Variants in SPOP observed in about 807,000 individuals in gnomAD.
SPOP encodes speckle-type POZ protein.
Under a neutral mutation model 45.6 loss-of-function variants are expected in SPOP, and 11 were observed. That is an observed-to-expected ratio of 0.24 (90% CI 0.15 to 0.40). The LOEUF (loss-of-function observed/expected upper bound fraction) is 0.40, where lower values mean the gene tolerates loss of function less well. Among genes scored for constraint, SPOP ranks in the 10% least tolerant of loss-of-function variants. SPOP has a pLI of 1.00. For synonymous variants in SPOP, 166 were observed against 166.3 expected (o/e 1.00, Z 0.01); for missense variants, 152 against 465.6 (o/e 0.33, Z 6.20).
intron 1 of SPOP, among the ~76,000 whole-genome samples, chr17:49,626,913 G>A (rs983337216): frequency 3.3e-5 from 5 of 151,798 alleles, no homozygotes; most frequent in South Asian, 4.2e-4. Flanking sequence ...GTGCAGTGGC[G>A]ATCTTGGCTC....
At chr17:49,664,980 A>T (rs1330291065) in intron 1 of SPOP, among the ~76,000 whole-genome samples, 2 of 151,892 alleles carry the variant, frequency 1.3e-5, no homozygotes, top group East Asian at 3.9e-4. Context: ...TCAACCCTGC[A>T]TGTGGCATCA....
chr17:49,678,063 A>G lies in SPOP; in HGVS notation c.-197T>C. On this transcript the variant is annotated 5_prime_UTR_variant, in exon 1 of 10. Coordinates refer to ENST00000504102, the MANE Select transcript of SPOP (RefSeq NM_001007228.2). ...ACTCGGAGCGCGCACACTCACACAC[A>G]CACATACACACCGACACACACCAGC... is the stretch of plus-strand genomic sequence containing the variant. The G allele has an allele frequency of 2.5e-6, 1 of 398,744 alleles. No homozygotes were observed. The highest frequency in any genetic ancestry group is 4.4e-6 in the Non-Finnish European group (1 of 226,160). The allele number at this position is 398,744 out of a possible 1,614,324, so 24.7% of individuals were successfully genotyped here.
At chr17:49,622,094 TA>T in intron 2 of SPOP, 27 bp from the exon 3 acceptor site, 1 of 1,609,916 alleles carries the variant, frequency 6.2e-7, no homozygotes, top group Non-Finnish European at 8.5e-7. Context: ...AGGAAGCAAT[TA>T]AATAGGAAGT....
chr17:49,659,673 G>A lies in SPOP; in HGVS notation c.-67+18260C>T, dbSNP rs116226249. 9.6e-3 allele frequency among the ~76,000 whole-genome samples: 1,464 copies of A among 152,162 alleles called. 28 individuals carry two copies. The highest frequency in any genetic ancestry group is 0.033 in the African/African-American group (1,360 of 41,500). ...GATACTTTCAAGACCATCAACAAGC[G>A]GATGATATAAAATTGTATTACCTCA... On this transcript the variant is annotated intron_variant, in intron 1 of 9. Coordinates refer to ENST00000504102, the MANE Select transcript of SPOP (RefSeq NM_001007228.2).
At position 49,644,888 on chromosome 17, in the gene SPOP, G is replaced by A. The variant is rs947224655; in HGVS notation, c.-66-22012C>T. Among the ~76,000 whole-genome samples the A allele has an allele frequency of 3.3e-5, 5 of 152,216 alleles. No homozygotes were observed. In the East Asian group the frequency reaches 9.6e-4, roughly 29 times the overall value. ...ATACACACTAAATTCATGGCAATAG[G>A]TTGTCTCTGGTAGTGAAGGATGGAA... On this transcript the variant is annotated intron_variant, in intron 1 of 9. Coordinates refer to ENST00000504102, the MANE Select transcript of SPOP (RefSeq NM_001007228.2).
intron 1 of SPOP, among the ~76,000 whole-genome samples, chr17:49,673,066 G>C (rs2073156648): frequency 6.6e-6 from 1 of 152,118 alleles, no homozygotes; most frequent in South Asian, 2.1e-4. Flanking sequence ...GGGAAAATCT[G>C]AACACGAACT....
At chr17:49,650,242 C>T (rs1349008513) in intron 1 of SPOP, among the ~76,000 whole-genome samples, 1 of 151,950 alleles carries the variant, frequency 6.6e-6, no homozygotes, top group Admixed American at 6.6e-5. Flanking sequence ...ATAGTGGGAC[C>T]GGGGAGATGA....
At chr17:49,615,288 G>T (rs1016277830) in intron 5 of SPOP, among the ~76,000 whole-genome samples, 1 of 152,136 alleles carries the variant, frequency 6.6e-6, no homozygotes, top group African/African-American at 2.4e-5. Context: ...ATGACAAAGA[G>T]GTTCTGGGAT....
At chr17:49,670,502 G>A (rs1251569123) in intron 1 of SPOP, among the ~76,000 whole-genome samples, 2 of 152,104 alleles carry the variant, frequency 1.3e-5, no homozygotes, top group Non-Finnish European at 2.9e-5. Flanking sequence ...TCAGAATACT[G>A]TTATTATCTG....
intron 1 of SPOP, among the ~76,000 whole-genome samples, chr17:49,672,831 C>A (rs2073153009): frequency 6.6e-6 from 1 of 152,014 alleles, no homozygotes; most frequent in African/African-American, 2.4e-5. Context: ...CCTATAATCC[C>A]AGCTCCTCAG....
chr17:49,678,153 G>T (rs1390266268), upstream of SPOP: 3 of 393,220 alleles, frequency 7.6e-6, no homozygotes, highest in Non-Finnish European at 1.3e-5. Context: ...ACCCCGCGCG[G>T]CCTCCTCCCC....
intron 1 of SPOP, among the ~76,000 whole-genome samples, chr17:49,625,250 T>C (rs1380681363): frequency 6.6e-6 from 1 of 152,194 alleles, no homozygotes; most frequent in African/African-American, 2.4e-5. Context: ...AAATCTTTAG[T>C]AGGGGAATAG....
chr17:49,643,885 G>A lies in SPOP; in HGVS notation c.-66-21009C>T, dbSNP rs1290086899. Among the ~76,000 whole-genome samples the A allele has an allele frequency of 2.7e-5, 4 of 150,386 alleles. No individual in the cohort carries two copies. The South Asian group carries it at 6.3e-4, about 24-fold the overall frequency. On this transcript the variant is annotated intron_variant, in intron 1 of 9. Coordinates refer to ENST00000504102, the MANE Select transcript of SPOP (RefSeq NM_001007228.2). ...GCAGAGGTTGTAGTGAGCTGAGATC[G>A]TGCCACTGCACTCCAGCCTGAGCGA...
At chr17:49,658,974 A>G (rs529115050) in intron 1 of SPOP, among the ~76,000 whole-genome samples, 27 of 152,324 alleles carry the variant, frequency 1.8e-4, no homozygotes, top group Non-Finnish European at 2.9e-4. Flanking sequence ...ACTAAGAAGG[A>G]GAGAAGAGTT....
intron 5 of SPOP, among the ~76,000 whole-genome samples, chr17:49,616,592 C>T (rs2072091258): frequency 6.6e-6 from 1 of 152,178 alleles, no homozygotes; most frequent in Non-Finnish European, 1.5e-5. Context: ...GTGCTAAGAA[C>T]TTAGATGAGC....
intron 2 of SPOP, 76 bp downstream of exon 2, chr17:49,622,657 G>A: frequency 7.6e-7 from 1 of 1,308,622 alleles, no homozygotes. Flanking sequence ...GCCCAATGTA[G>A]AAAAGCAATC....
intron 1 of SPOP, among the ~76,000 whole-genome samples, chr17:49,642,007 CAG>C (rs2072662643): frequency 6.6e-6 from 1 of 151,302 alleles, no homozygotes; most frequent in African/African-American, 2.4e-5. Context: ...GCCTGGGTGA[CAG>C]AGTGAGACTC....
chr17:49,610,372 C>T (rs868442017), intron 6 of SPOP, among the ~76,000 whole-genome samples: 5 of 152,140 alleles, frequency 3.3e-5, no homozygotes, highest in African/African-American at 9.7e-5. Context: ...GCGCATGCCA[C>T]GATGCCCAGC....
chr17:49,607,828 C>A, intron 7 of SPOP, 46 bp downstream of exon 7: 1 of 1,555,674 alleles, frequency 6.4e-7, no homozygotes, highest in Non-Finnish European at 8.8e-7. Context: ...AATCATCTGA[C>A]TCTAGATACC....
Sources: allele counts gnomAD v4.1 joint callset (sites outside exome capture counted in the v4.1 genomes callset), GRCh38; gene constraint gnomAD v4.1.1; transcripts MANE v1.5; gene names NCBI Gene and HGNC (gene_info 2026-07-23, HGNC 2026-07-21).